Variants in SNX5 observed in about 807,000 individuals in gnomAD.
SNX5 encodes sorting nexin-5.
In SNX5, 31 loss-of-function variants were observed where a neutral mutation model predicts 53.9. The ratio of observed to expected loss-of-function variants is 0.58; its 90% CI spans 0.43 to 0.78. The LOEUF is 0.78. SNX5 is among the 30% of genes least tolerant of loss of function. SNX5 has a pLI of 0.00. For synonymous variants in SNX5, 168 were observed against 171.1 expected (o/e 0.98, Z 0.14); for missense variants, 471 against 478.8 (o/e 0.98, Z 0.15).
intron 1 of SNX5, chr20:17,962,034 C>G: frequency 1.0e-6 from 1 of 958,764 alleles, no homozygotes; most frequent in Non-Finnish European, 1.2e-6. Flanking sequence ...TGTTTGAACT[C>G]TCAGGAAACA....
At chr20:17,957,550 G>A (rs1212938143) in intron 1 of SNX5, among the ~76,000 whole-genome samples, 1 of 152,084 alleles carries the variant, frequency 6.6e-6, no homozygotes, top group Non-Finnish European at 1.5e-5. Flanking sequence ...TGGTATATCC[G>A]AAGTATTCCT....
chr20:17,965,850 T>C (rs1238637250), intron 1 of SNX5, among the ~76,000 whole-genome samples: 1 of 152,134 alleles, frequency 6.6e-6, no homozygotes, highest in Non-Finnish European at 1.5e-5. Context: ...TAGAAAATAG[T>C]TGCAAGGGTA....
At chr20:17,956,893 C>T in intron 2 of SNX5, 40 bp downstream of exon 2, 1 of 1,018,470 alleles carries the variant, frequency 9.8e-7, no homozygotes. Context: ...AACAAGGCTG[C>T]AACCTAGCAC....
At chr20:17,947,365 G>C (rs1043819972) in intron 11 of SNX5, 121 bp downstream of exon 11, 1 of 1,028,436 alleles carries the variant, frequency 9.7e-7, no homozygotes, top group South Asian at 1.6e-5. Context: ...ATAAGGCAGA[G>C]GGGTGAAGTG....
chr20:17,962,024 T>C (rs2035461423), intron 1 of SNX5: 2 of 967,098 alleles, frequency 2.1e-6, no homozygotes, highest in South Asian at 4.8e-5. Flanking sequence ...ACTTTGTTAC[T>C]GTTTGAACTC....
intron 1 of SNX5, among the ~76,000 whole-genome samples, chr20:17,959,285 G>A (rs1396182313): frequency 6.6e-6 from 1 of 152,166 alleles, no homozygotes; most frequent in Non-Finnish European, 1.5e-5. Context: ...TCGTTCCTCT[G>A]AATAATTATC....
chr20:17,955,460 A>C lies in SNX5; in HGVS notation c.172T>G (p.Phe58Val), dbSNP rs201197486. 6 of 1,613,828 alleles carry C rather than the reference A, an allele frequency of 3.7e-6. No individual in the cohort carries two copies. Among genetic ancestry groups the C allele is most frequent in the Non-Finnish European group, 4.2e-6 (5 of 1,179,852 alleles). ...GTAACAGAAAACTCTGGGCTCTGAA[A>C]CGTGGGCAGTGTGGTCTGTAAAGAA... is the stretch of plus-strand genomic sequence containing the variant. ...TVHTKTTLPT[F>V]QSPEFSVTRQ... Residue 58 changes from phenylalanine to valine, a missense_variant, in exon 3 of 13, where the codon TTT (phenylalanine) becomes GTT (valine). Physicochemically the swap from Phe to Val is conservative, Grantham distance 50. Transcript: ENST00000377759.
intron 2 of SNX5, among the ~76,000 whole-genome samples, chr20:17,956,288 A>G (rs190512156): frequency 8.5e-5 from 13 of 152,200 alleles, no homozygotes; most frequent in Admixed American, 8.5e-4. Context: ...GTCTTTTTAC[A>G]CTACCTCCGG....
At chr20:17,960,449 C>T (rs751443877) in intron 1 of SNX5, among the ~76,000 whole-genome samples, 2 of 152,200 alleles carry the variant, frequency 1.3e-5, no homozygotes, top group Non-Finnish European at 2.9e-5. Context: ...CAAAAATTAG[C>T]TGGGCATGGT....
intron 5 of SNX5, 63 bp from the exon 6 acceptor site, chr20:17,951,658 G>T: frequency 9.0e-7 from 1 of 1,106,382 alleles, no homozygotes; most frequent in Non-Finnish European, 1.4e-6. Flanking sequence ...TCTTAAAGAA[G>T]TTCTGAGTAA....
In SNX5 at chr20:17,968,632, C is replaced by A. The variant is rs1001632730; in HGVS notation, c.-207G>T. The A allele has an allele frequency of 1.8e-5, 11 of 620,302 alleles. No homozygotes were observed. The highest frequency in any genetic ancestry group is 2.6e-5 in the Non-Finnish European group (9 of 343,582). The allele number at this position is 620,302 out of a possible 1,614,324, so 38.4% of individuals were successfully genotyped here. A position where few individuals can be genotyped will look rare whatever the true frequency, so the allele number is the denominator to read the frequency against. ...GCGAGCAGGGCGCCACGTGCTCCCC[C>A]AGAGCAGCCTCCCAGTCCCCGCTGC... On this transcript the variant is annotated 5_prime_UTR_variant, in exon 1 of 13. Coordinates refer to ENST00000377759, the MANE Select transcript of SNX5 (RefSeq NM_014426.4).
At chr20:17,946,900 T>G (rs139259283) in intron 11 of SNX5, among the ~76,000 whole-genome samples, 12 of 152,280 alleles carry the variant, frequency 7.9e-5, no homozygotes, top group African/African-American at 1.4e-4. Context: ...CAATCAGAAG[T>G]GACACCCCAA....
intron 1 of SNX5, chr20:17,967,977 G>A (rs954292895): frequency 5.5e-5 from 22 of 397,822 alleles, no homozygotes; most frequent in Admixed American, 1.3e-4. Context: ...GGGGAAGGAG[G>A]GTATTTTGGG....
At chr20:17,942,479 C>T (rs1199268941) in intron 12 of SNX5, 72 bp from the exon 13 acceptor site, 6 of 1,129,372 alleles carry the variant, frequency 5.3e-6, no homozygotes, top group Non-Finnish European at 8.1e-6. Flanking sequence ...GACTCAAGTA[C>T]ACCAACACGG....
chr20:17,945,183 C>T (rs1600331308), intron 11 of SNX5: 1 of 152,222 alleles, frequency 6.6e-6, no homozygotes, highest in Non-Finnish European at 1.5e-5. Flanking sequence ...GTTTATCAGT[C>T]CCTTGGATAT....
chr20:17,957,439 A>C (rs2035380747), intron 1 of SNX5, among the ~76,000 whole-genome samples: 1 of 152,088 alleles, frequency 6.6e-6, no homozygotes, highest in Non-Finnish European at 1.5e-5. Flanking sequence ...TCTCAAAAAA[A>C]AAAAAAAAGA....
At chr20:17,956,693 A>AC (rs1568594106) in intron 2 of SNX5, among the ~76,000 whole-genome samples, 4 of 139,820 alleles carry the variant, frequency 2.9e-5, no homozygotes, top group Non-Finnish European at 3.1e-5. Context: ...AAAAAAAAAA[A>AC]AAAAAAAAAA....
At chr20:17,954,197 GGT>G in intron 3 of SNX5, 80 bp from the exon 4 acceptor site, 1 of 1,571,872 alleles carries the variant, frequency 6.4e-7, no homozygotes, top group Non-Finnish European at 8.6e-7. Context: ...TACTCTTGCT[GGT>G]CCACAGGAGA....
chr20:17,956,086 A>ATT (rs1600345290), intron 2 of SNX5, among the ~76,000 whole-genome samples: 1 of 152,032 alleles, frequency 6.6e-6, no homozygotes, highest in East Asian at 1.9e-4. Context: ...CCCAAATTCT[A>ATT]TTTTTGTAAG....
Sources: gnomAD v4.1 joint callset for allele counts (sites outside exome capture counted in the v4.1 genomes callset) on GRCh38, gnomAD v4.1.1 for gene constraint, MANE v1.5 for transcripts, NCBI Gene and HGNC (gene_info 2026-07-23, HGNC 2026-07-21) for gene names.